The following KCNIP4 variants were observed in gnomAD, a reference collection of about 807,000 sequenced individuals.
The protein encoded by KCNIP4 is Kv channel-interacting protein 4.
A neutral mutation model predicts 34.0 loss-of-function variants in KCNIP4; 12 were observed. The observed-to-expected ratio is 0.35, with a 90% CI of 0.23 to 0.57. The LOEUF is 0.57. Among genes scored for constraint, KCNIP4 ranks in the 20% least tolerant of loss-of-function variants. The pLI, the probability that KCNIP4 is intolerant of heterozygous loss-of-function variation, is 0.83. For missense variants in KCNIP4, 238 were observed against 311.7 expected (o/e 0.76, Z 1.78); for synonymous variants, 124 against 102.2 (o/e 1.21, Z -1.29).
chr4:21,302,950 A>C (rs1288897086), intron 1 of KCNIP4, among the ~76,000 whole-genome samples: 1 of 152,114 alleles, frequency 6.6e-6, no homozygotes, highest in Non-Finnish European at 1.5e-5. Flanking sequence ...ACTACGTCAA[A>C]CATCATCTAG....
At chr4:21,309,909 G>C (rs1712950245) in intron 1 of KCNIP4, among the ~76,000 whole-genome samples, 1 of 152,158 alleles carries the variant, frequency 6.6e-6, no homozygotes, top group African/African-American at 2.4e-5. Context: ...ATCGAACTAA[G>C]ATCAGCTTTA....
In KCNIP4 at chr4:21,444,664, A is replaced by G. The variant is rs546836129; in HGVS notation, c.61+503907T>C. ...GCTATTTATGATAACCCCATAGCCA[A>G]TATCATACTGAATGGGCAAAAACTG... On this transcript the variant is annotated intron_variant, in intron 1 of 8. Transcript: ENST00000382152. Among the ~76,000 whole-genome samples the G allele has an allele frequency of 8.6e-4, 131 of 152,322 alleles. 1 individual carries two copies. The highest frequency in any genetic ancestry group is 1.1e-3 in the Non-Finnish European group (72 of 68,024).
chr4:20,933,389 A>G (rs1018145854), intron 1 of KCNIP4, among the ~76,000 whole-genome samples: 2 of 152,224 alleles, frequency 1.3e-5, no homozygotes, highest in Non-Finnish European at 2.9e-5. Flanking sequence ...ATAGATATTT[A>G]TAACATAATC....
intron 1 of KCNIP4, among the ~76,000 whole-genome samples, chr4:21,274,069 A>G (rs1268619070): frequency 1.3e-5 from 2 of 152,210 alleles, no homozygotes; most frequent in Non-Finnish European, 2.9e-5. Flanking sequence ...ATGACCTTGG[A>G]AAAAATCAGG....
chr4:21,507,261 T>C (rs1436706549), intron 1 of KCNIP4, among the ~76,000 whole-genome samples: 3 of 151,668 alleles, frequency 2.0e-5, no homozygotes, highest in African/African-American at 7.3e-5. Flanking sequence ...TGGCTTTATT[T>C]TTATTTTAAT....
intron 1 of KCNIP4, among the ~76,000 whole-genome samples, chr4:21,945,971 GT>G (rs1730492578): frequency 6.7e-6 from 1 of 149,176 alleles, no homozygotes; most frequent in African/African-American, 2.5e-5. Flanking sequence ...CATTAACAAT[GT>G]CAATTACAGT....
At chr4:21,683,446 A>ATTTTTTTTCTTTTTTTTTTT (rs1750550112) in intron 1 of KCNIP4, among the ~76,000 whole-genome samples, 1 of 46,554 alleles carries the variant, frequency 2.1e-5, no homozygotes, top group Non-Finnish European at 4.2e-5. Context: ...GTGAAGCCAG[A>ATTTTTTTTCTTTTTTTTTTT]TTTTTTTTTT....
chr4:20,900,686 C>T (rs561194316), intron 1 of KCNIP4, among the ~76,000 whole-genome samples: 136 of 152,222 alleles, frequency 8.9e-4, no homozygotes, highest in African/African-American at 3.1e-3. Flanking sequence ...TACTTGGTGG[C>T]CTTCTCACCT....
intron 1 of KCNIP4, among the ~76,000 whole-genome samples, chr4:21,497,946 A>C (rs1732985863): frequency 6.6e-6 from 1 of 152,176 alleles, no homozygotes; most frequent in Non-Finnish European, 1.5e-5. Context: ...TTTCAGTGCA[A>C]AGATATCTGT....
intron 1 of KCNIP4, among the ~76,000 whole-genome samples, chr4:21,124,337 C>T (rs763189648): frequency 2.0e-5 from 3 of 152,024 alleles, no homozygotes; most frequent in Non-Finnish European, 2.9e-5. Context: ...CCTGGGGGTC[C>T]CTGGACTACG....
chr4:20,972,784 CA>C (rs35716339), intron 1 of KCNIP4, among the ~76,000 whole-genome samples: 1 of 151,712 alleles, frequency 6.6e-6, no homozygotes, highest in Non-Finnish European at 1.5e-5. Flanking sequence ...TTAAGTCAGG[CA>C]AAAAGTTGAC....
chr4:21,531,673 G>A (rs1241237359), intron 1 of KCNIP4, among the ~76,000 whole-genome samples: 8 of 151,936 alleles, frequency 5.3e-5, no homozygotes, highest in South Asian at 2.1e-4. Flanking sequence ...CACCGCACCC[G>A]GCCTAAAGCT....
At chr4:20,973,900 C>T (rs927741975) in intron 1 of KCNIP4, among the ~76,000 whole-genome samples, 4 of 152,012 alleles carry the variant, frequency 2.6e-5, no homozygotes, top group South Asian at 2.1e-4. Flanking sequence ...CTAATCTGAA[C>T]TCGATTATTC....
intron 1 of KCNIP4, among the ~76,000 whole-genome samples, chr4:21,789,030 G>A (rs927285458): frequency 1.5e-3 from 203 of 136,960 alleles, no homozygotes; most frequent in Non-Finnish European, 2.6e-3. Context: ...CTGAGATTGT[G>A]CCACTGCACT....
intron 3 of KCNIP4, among the ~76,000 whole-genome samples, chr4:20,760,017 G>C (rs1404631690): frequency 6.6e-6 from 1 of 152,136 alleles, no homozygotes; most frequent in Admixed American, 6.5e-5. Flanking sequence ...ATCTGCATTT[G>C]GCAGTGGATG....
At chr4:21,939,689 G>A (rs1433990556) in intron 1 of KCNIP4, among the ~76,000 whole-genome samples, 6 of 151,974 alleles carry the variant, frequency 3.9e-5, no homozygotes, top group African/African-American at 7.3e-5. Flanking sequence ...GAGCGGACAG[G>A]GAACAGATAA....
At chr4:21,394,454 T>C (rs1722813044) in intron 1 of KCNIP4, among the ~76,000 whole-genome samples, 1 of 152,152 alleles carries the variant, frequency 6.6e-6, no homozygotes, top group African/African-American at 2.4e-5. Flanking sequence ...ATTCAAAAAC[T>C]AAACATATTT....
chr4:21,583,984 A>G (rs1314890187), intron 1 of KCNIP4, among the ~76,000 whole-genome samples: 2 of 152,048 alleles, frequency 1.3e-5, no homozygotes, highest in Admixed American at 6.6e-5. Context: ...GAGTCTCCAC[A>G]ATGCCTGGCA....
intron 1 of KCNIP4, among the ~76,000 whole-genome samples, chr4:21,334,592 A>T (rs1715983435): frequency 6.6e-6 from 1 of 152,096 alleles, no homozygotes; most frequent in African/African-American, 2.4e-5. Context: ...TTACAGGGTT[A>T]TATAACCATC....
Sources: gnomAD v4.1 joint callset for allele counts (sites outside exome capture counted in the v4.1 genomes callset) on GRCh38, gnomAD v4.1.1 for gene constraint, MANE v1.5 for transcripts, NCBI Gene and HGNC (gene_info 2026-07-23, HGNC 2026-07-21) for gene names.